The following SPAG16 variants were observed in gnomAD, a reference collection of about 807,000 sequenced individuals.
SPAG16 encodes the protein sperm-associated antigen 16 protein.
Under a neutral mutation model 80.4 loss-of-function variants are expected in SPAG16, and 86 were observed. The observed-to-expected ratio is 1.07, with a 90% confidence interval of 0.90 to 1.28. The LOEUF (loss-of-function observed/expected upper bound fraction) is 1.28. Ranked by LOEUF, SPAG16 falls within the 50% of genes most tolerant of loss-of-function variation. The probability of loss-of-function intolerance (pLI) is 0.00; values close to 1 mark genes in which losing one functional copy is unlikely to be tolerated. For synonymous variants in SPAG16, 294 were observed against 265.9 expected (o/e 1.11, Z -1.03); for missense variants, 870 against 765.3 (o/e 1.14, Z -1.61).
At position 213,303,468 on chromosome 2, in the gene SPAG16, G is replaced by A. The variant is rs532428965; in HGVS notation, c.279+6111G>A. On this transcript the variant is annotated intron_variant, in intron 3 of 15. Transcript: ENST00000331683. ...ATTATTGTTGAATGTAGTCACTCTC[G>A]TGCTATCAAATACTAGATCTTACTC... 8.5e-5 allele frequency among the ~76,000 whole-genome samples: 8 copies of A among 94,472 alleles called. No homozygotes were observed. In the East Asian group the frequency reaches 1.6e-3, roughly 18 times the overall value. 62.0% of individuals were successfully genotyped at this position (94,472 alleles called of 152,430 possible).
rs761341656 is a variant in SPAG16, at chr2:213,871,871, CACACACACAGAGAGAGAGAGAG to C, written c.1214+9245_1214+9266del. Among the ~76,000 whole-genome samples the C allele has an allele frequency of 3.0e-3, 98 of 33,098 alleles. 1 individual carries two copies. The highest frequency in any genetic ancestry group is 0.022 in the South Asian group (6 of 270). The allele number at this position is 33,098 out of a possible 152,430, so 21.7% of individuals were successfully genotyped here. A position where few individuals can be genotyped will look rare whatever the true frequency, so the allele number is the denominator to read the frequency against. Reference sequence around the variant, plus strand: ...ACACACACACACACACACACACACACACACACACAGAGAGAGAGAGAGAGAGAGCAAACAGCAGTAAAAACAA... The same window carrying C: ...ACACACACACACACACACACACACACAGAGAGCAAACAGCAGTAAAAACAA... On this transcript the variant is annotated intron_variant, in intron 11 of 15. Coordinates refer to ENST00000331683, the MANE Select transcript of SPAG16 (RefSeq NM_024532.5).
At chr2:214,244,514 A>G (rs1214565066) in intron 15 of SPAG16, among the ~76,000 whole-genome samples, 1 of 152,046 alleles carries the variant, frequency 6.6e-6, no homozygotes, top group Admixed American at 6.6e-5. Context: ...ATAGGAAGCC[A>G]AGTAAGGATT....
chr2:214,005,385 G>C (rs1313845624), intron 12 of SPAG16, among the ~76,000 whole-genome samples: 2 of 152,110 alleles, frequency 1.3e-5, no homozygotes, highest in East Asian at 1.9e-4. Context: ...GGTTGTTAGG[G>C]GTCTGCCTTT....
At chr2:213,916,597 G>A (rs574638910) in intron 11 of SPAG16, among the ~76,000 whole-genome samples, 61 of 152,204 alleles carry the variant, frequency 4.0e-4, no homozygotes, top group African/African-American at 1.3e-3. Flanking sequence ...GATCTTGTGA[G>A]ACATTCACTA....
intron 10 of SPAG16, among the ~76,000 whole-genome samples, chr2:213,740,996 T>G (rs2067525001): frequency 6.6e-6 from 1 of 152,210 alleles, no homozygotes; most frequent in Admixed American, 6.5e-5. Context: ...TTTTAAAGTT[T>G]GGGGAATTTT....
At chr2:214,215,586 T>A (rs566802388) in intron 15 of SPAG16, among the ~76,000 whole-genome samples, 3 of 152,338 alleles carry the variant, frequency 2.0e-5, no homozygotes, top group South Asian at 4.1e-4. Context: ...AACTTGCTTT[T>A]TATGTGACAG....
intron 15 of SPAG16, among the ~76,000 whole-genome samples, chr2:214,342,211 G>A (rs1334172261): frequency 6.6e-6 from 1 of 152,060 alleles, no homozygotes; most frequent in East Asian, 1.9e-4. Flanking sequence ...CCTAAAGCAG[G>A]GGTTACTAAA....
chr2:214,393,185 G>T (rs113926842), intron 15 of SPAG16, among the ~76,000 whole-genome samples: 172 of 152,244 alleles, frequency 1.1e-3, no homozygotes, highest in Middle Eastern at 6.8e-3. Flanking sequence ...CTCTTTTCTT[G>T]AAATTAGATT....
In SPAG16 at chr2:213,398,665, T is replaced by C. The variant is rs114961891; in HGVS notation, c.942+23546T>C. On this transcript the variant is annotated intron_variant, in intron 9 of 15. Coordinates refer to ENST00000331683, the MANE Select transcript of SPAG16 (RefSeq NM_024532.5). ...TTTCATAGCCATCCAATCTAAATTTTAATGCTGCCTCTAATTCACTGGCAC... is the reference window on the plus strand; with the variant it reads ...TTTCATAGCCATCCAATCTAAATTTCAATGCTGCCTCTAATTCACTGGCAC... 3.0e-3 allele frequency among the ~76,000 whole-genome samples: 462 copies of C among 152,336 alleles called. 1 individual carries two copies. The highest frequency in any genetic ancestry group is 0.01 in the African/African-American group (429 of 41,590).
intron 11 of SPAG16, among the ~76,000 whole-genome samples, chr2:213,903,176 C>T (rs1020026601): frequency 5.9e-5 from 9 of 152,118 alleles, no homozygotes; most frequent in East Asian, 1.9e-4. Flanking sequence ...GTCTGGAGGA[C>T]GGTGGCCCTC....
intron 9 of SPAG16, among the ~76,000 whole-genome samples, chr2:213,432,017 A>C (rs569252739): frequency 1.3e-5 from 2 of 152,270 alleles, no homozygotes; most frequent in Non-Finnish European, 2.9e-5. Context: ...TCAATGATAA[A>C]ATTAAATTAA....
intron 10 of SPAG16, among the ~76,000 whole-genome samples, chr2:213,787,447 G>A (rs2070413314): frequency 6.6e-6 from 1 of 152,038 alleles, no homozygotes; most frequent in Admixed American, 6.6e-5. Context: ...GTTTAGATGT[G>A]TGTGAGAAAC....
At chr2:213,320,194 T>C (rs1201817734) in intron 5 of SPAG16, among the ~76,000 whole-genome samples, 1 of 152,016 alleles carries the variant, frequency 6.6e-6, no homozygotes, top group Non-Finnish European at 1.5e-5. Flanking sequence ...TTTTGTTTCG[T>C]TTTGTCAGTA....
At chr2:213,478,517 A>T (rs1279393778) in intron 9 of SPAG16, among the ~76,000 whole-genome samples, 1 of 152,190 alleles carries the variant, frequency 6.6e-6, no homozygotes, top group Non-Finnish European at 1.5e-5. Context: ...TGGCCTGTTA[A>T]CATGAATGTG....
chr2:213,644,551 A>C (rs28769073), intron 10 of SPAG16, among the ~76,000 whole-genome samples: 3,646 of 152,280 alleles, frequency 0.024, 145 homozygotes, highest in African/African-American at 0.082. Flanking sequence ...TATCTACTTT[A>C]GGGGGCTCCC....
At chr2:214,382,585 T>C (rs759673807) in intron 15 of SPAG16, among the ~76,000 whole-genome samples, 37 of 152,218 alleles carry the variant, frequency 2.4e-4, no homozygotes, top group Non-Finnish European at 1.0e-4. Flanking sequence ...GGAGAGATTC[T>C]TAGAGATGGC....
At chr2:213,955,425 G>A (rs893252034) in intron 12 of SPAG16, among the ~76,000 whole-genome samples, 2 of 152,136 alleles carry the variant, frequency 1.3e-5, no homozygotes, top group Non-Finnish European at 1.5e-5. Flanking sequence ...TAGTTGAAAA[G>A]ACATTTGATG....
intron 7 of SPAG16, among the ~76,000 whole-genome samples, chr2:213,354,372 C>T (rs1455475804): frequency 1.3e-5 from 2 of 152,150 alleles, no homozygotes; most frequent in African/African-American, 2.4e-5. Flanking sequence ...TTTATCGTAG[C>T]ATCATTTATA....
At chr2:214,002,097 C>G (rs1242177686) in intron 12 of SPAG16, among the ~76,000 whole-genome samples, 1 of 151,976 alleles carries the variant, frequency 6.6e-6, no homozygotes, top group African/African-American at 2.4e-5. Flanking sequence ...ACCAAGAGAA[C>G]AGTATGGGGG....
Sources: gnomAD v4.1 joint callset for allele counts (sites outside exome capture counted in the v4.1 genomes callset) on GRCh38, gnomAD v4.1.1 for gene constraint, MANE v1.5 for transcripts, NCBI Gene and HGNC (gene_info 2026-07-23, HGNC 2026-07-21) for gene names.